Variants in TRMT1 observed in about 807,000 individuals in gnomAD.
TRMT1 encodes tRNA (guanine(26)-N(2))-dimethyltransferase.
Under a neutral mutation model 75.4 loss-of-function variants are expected in TRMT1, and 63 were observed. That is an observed-to-expected ratio of 0.84 (90% confidence interval 0.68 to 1.03). The LOEUF (loss-of-function observed/expected upper bound fraction) is 1.03. Ranked by LOEUF, TRMT1 falls within the 50% of genes least tolerant of loss-of-function variation. The pLI is 0.00. For missense variants in TRMT1, 870 were observed against 905.3 expected (o/e 0.96, Z 0.50); for synonymous variants, 382 against 358.1 (o/e 1.07, Z -0.75).
rs1251036774 is a variant in TRMT1, at chr19:13,112,939, T to C, written c.714A>G (p.Pro238=). The C allele has an allele frequency of 1.9e-6, 3 of 1,613,924 alleles. No individual in the cohort carries two copies. Among genetic ancestry groups the C allele is most frequent in the Non-Finnish European group, 1.7e-6 (2 of 1,179,894 alleles). The change falls in exon 6 of 17, where the codon CCA becomes CCG. Residue 238 remains proline (P), a synonymous_variant. Coordinates refer to ENST00000357720, the MANE Select transcript of TRMT1 (RefSeq NM_001136035.4). The part of the protein sequence containing the change: ...DVIDLDPYGS[P]ATFLDAAVQA... ...GCACAGCTGCATCCAGGAAGGTGGCTGGGCTGCCATAGGGGTCCAGATCGA... is the reference window on the plus strand; with the variant it reads ...GCACAGCTGCATCCAGGAAGGTGGCCGGGCTGCCATAGGGGTCCAGATCGA...
At position 13,105,578 on chromosome 19, in the gene TRMT1, CTT is replaced by C. The variant is rs1330414186; in HGVS notation, c.1610_1611del (p.Glu537GlyfsTer17). 1.7e-5 allele frequency: 27 copies of C among 1,613,758 alleles called. No individual in the cohort carries two copies. The highest frequency in any genetic ancestry group is 2.3e-5 in the Non-Finnish European group (27 of 1,179,980). Reference protein sequence around the residue: ...PRLQANFTIREDANPSSRQRG... With the variant: ...PRLQANFTIRXDANPSSRQRG... The stretch of plus-strand genomic sequence containing the variant: ...CGCTGTCGGGAGCTGGGGTTGGCAT[CTT>C]CCCGGATGGTGAAGTTGGCCTGCAG... On this transcript the variant is annotated frameshift_variant, in exon 15 of 17. Transcript: ENST00000357720. LOFTEE classifies it high-confidence loss of function.
rs2019357878 is a variant in TRMT1, at chr19:13,116,337, G to A, written c.63C>T (p.Ala21=). ...CTGGAGACTGCCACTCGAAAAACCG[G>A]GCTCTAGAGAGCACCCGGGCGGAGC... The part of the protein sequence containing the change: ...TFRSARVLSR[A]RFFEWQSPGL... Residue 21 remains alanine, a synonymous_variant, in exon 2 of 17, where the codon GCC becomes GCT. Transcript: ENST00000357720. 3.1e-6 allele frequency: 5 copies of A among 1,613,618 alleles called. No individual in the cohort carries two copies. In the East Asian group the frequency reaches 1.1e-4, roughly 36 times the overall value.
At chr19:13,114,037 C>T (rs1323855571) in intron 5 of TRMT1, among the ~76,000 whole-genome samples, 1 of 152,146 alleles carries the variant, frequency 6.6e-6, no homozygotes, top group Non-Finnish European at 1.5e-5. Context: ...GTCACCATGC[C>T]CAGCTAATTA....
chr19:13,115,457 G>A lies in TRMT1; in HGVS notation c.463C>T (p.His155Tyr), dbSNP rs376424264. 6.8e-6 allele frequency: 11 copies of A among 1,612,974 alleles called. No homozygotes were observed. Among genetic ancestry groups the A allele is most frequent in the African/African-American group, 1.3e-5 (1 of 75,028 alleles). Residue 155 changes from histidine to tyrosine, a missense_variant, in exon 5 of 17, where the codon CAT becomes TAT. Transcript: ENST00000357720. ...AVGEICEEGLHVLEGLAASGL... is the reference protein window; with the variant it reads ...AVGEICEEGLYVLEGLAASGL... ...GAAGCTGCCAGGCCTTCCAGCACAT[G>A]CAGGCCTTCCTGTTGGAGTAAGCAG...
intron 12 of TRMT1, 104 bp downstream of exon 12, chr19:13,109,277 G>C: frequency 4.5e-6 from 6 of 1,336,896 alleles, no homozygotes; most frequent in Non-Finnish European, 6.3e-6. Flanking sequence ...AGTGCACCGG[G>C]TTCTCCCCAC....
At chr19:13,105,644 G>A in intron 14 of TRMT1, 38 bp from the exon 15 acceptor site, 1 of 1,579,404 alleles carries the variant, frequency 6.3e-7, no homozygotes, top group Non-Finnish European at 8.6e-7. Flanking sequence ...GCTGGGGGAA[G>A]CTGCCACACG....
At position 13,116,359 on chromosome 19, in the gene TRMT1, G is replaced by C. The variant is rs1163975540; in HGVS notation, c.41C>G (p.Ser14Cys). Residue 14 changes from serine to cysteine, a missense_variant, in exon 2 of 17, where the codon TCC becomes TGC. Coordinates refer to ENST00000357720, the MANE Select transcript of TRMT1 (RefSeq NM_001136035.4). ...CCGGGCTCTAGAGAGCACCCGGGCGGAGCGGAAAGTGAGGCTTAGCCACAG... is the reference window on the plus strand; with the variant it reads ...CCGGGCTCTAGAGAGCACCCGGGCGCAGCGGAAAGTGAGGCTTAGCCACAG... ...SSLWLSLTFR[S>C]ARVLSRARFF... 2 of 1,612,238 alleles carry C rather than the reference G, an allele frequency of 1.2e-6. No individual in the cohort carries two copies.
intron 5 of TRMT1, among the ~76,000 whole-genome samples, chr19:13,113,551 G>C (rs1264198822): frequency 6.6e-6 from 1 of 152,026 alleles, no homozygotes; most frequent in Non-Finnish European, 1.5e-5. Context: ...CAACAATACT[G>C]ATATAAGACG....
rs553703899 is a variant in TRMT1 at position 13,110,694 on chromosome 19, G to A, written c.871-388C>T. 3.2e-4 allele frequency among the ~76,000 whole-genome samples: 49 copies of A among 152,338 alleles called. 1 individual carries two copies. The highest frequency in any genetic ancestry group is 1.0e-3 in the African/African-American group (43 of 41,594). ...AGAACTGCTGGGGCCTGGGCCGGGC[G>A]TGGTGGCTCATGCCTGTAATCCCAG... On this transcript the variant is annotated intron_variant, in intron 7 of 16. Transcript: ENST00000357720.
At chr19:13,105,662 C>A (rs1599921519) in intron 14 of TRMT1, 56 bp from the exon 15 acceptor site, 1 of 1,530,474 alleles carries the variant, frequency 6.5e-7, no homozygotes, top group East Asian at 2.3e-5. Context: ...ACGAGTGTGT[C>A]CCCACTCCCC....
intron 7 of TRMT1, among the ~76,000 whole-genome samples, chr19:13,111,547 C>A (rs1716486084): frequency 7.1e-6 from 1 of 139,890 alleles, no homozygotes; most frequent in Admixed American, 7.2e-5. Context: ...CCACGCCCAG[C>A]TAATTTTTTT....
chr19:13,105,495 G>T lies in TRMT1; in HGVS notation c.1695C>A (p.Ala565=). The T allele has an allele frequency of 6.2e-7, 1 of 1,614,042 alleles. No individual in the cohort carries two copies. The highest frequency in any genetic ancestry group is 1.1e-5 in the South Asian group (1 of 91,082). ...PEANWGPRPR[A]RPGGKAADEA... ...ACCTTACCACCACTCACCCTGGCCGGGCACGAGGCCGGGGACCCCAGTTGG... is the reference window on the plus strand; with the variant it reads ...ACCTTACCACCACTCACCCTGGCCGTGCACGAGGCCGGGGACCCCAGTTGG... The change falls in exon 15 of 17, where the codon GCC becomes GCA. Residue 565 remains alanine (A), a synonymous_variant. Transcript: ENST00000357720.
rs563736049 is a variant in TRMT1 at position 13,106,675 on chromosome 19, CAG to C, written c.1583+897_1583+898del. Among the ~76,000 whole-genome samples the C allele has an allele frequency of 3.9e-3, 550 of 142,494 alleles. 19 individuals are homozygous for C. The highest frequency in any genetic ancestry group is 0.036 in the Admixed American group (489 of 13,770). The allele number at this position is 142,494 out of a possible 152,430, so 93.5% of individuals were successfully genotyped here. A position where few individuals can be genotyped will look rare whatever the true frequency, so the allele number is the denominator to read the frequency against. On this transcript the variant is annotated intron_variant, in intron 14 of 16. Transcript: ENST00000357720. ...TTTTTTTTTGTATTTTTAGTAGAGACAGGGTTTCGTCATGTTGGCCAGGCTGG... is the reference window on the plus strand; with the variant it reads ...TTTTTTTTTGTATTTTTAGTAGAGACGGTTTCGTCATGTTGGCCAGGCTGG...
chr19:13,105,423 C>A (rs375494666), intron 15 of TRMT1, 27 bp from the exon 16 acceptor site: 1 of 1,613,648 alleles, frequency 6.2e-7, no homozygotes. Flanking sequence ...GTAGGTGGGA[C>A]CCCATCTGCC....
chr19:13,112,873 C>T (rs1355201350), intron 6 of TRMT1, 23 bp downstream of exon 6: 3 of 1,612,716 alleles, frequency 1.9e-6, no homozygotes, highest in Non-Finnish European at 2.5e-6. Context: ...CCTGCTCCCA[C>T]CCCAGTGCCA....
intron 14 of TRMT1, among the ~76,000 whole-genome samples, chr19:13,106,609 G>A (rs1473403611): frequency 6.6e-6 from 1 of 151,528 alleles, no homozygotes; most frequent in African/African-American, 2.4e-5. Context: ...CCGAGTAGCT[G>A]GGACTACAGG....
intron 12 of TRMT1, 91 bp from the exon 13 acceptor site, chr19:13,107,950 G>C (rs1027250244): frequency 5.4e-6 from 5 of 923,338 alleles, no homozygotes; most frequent in African/African-American, 1.6e-5. Context: ...CCTTCGGCAA[G>C]GGCTCATGGC....
chr19:13,111,277 C>T (rs867289022), intron 7 of TRMT1, among the ~76,000 whole-genome samples: 14 of 152,066 alleles, frequency 9.2e-5, no homozygotes, highest in African/African-American at 3.1e-4. Flanking sequence ...CTCAAGTGAT[C>T]CTCCCACCTT....
At position 13,115,389 on chromosome 19, in the gene TRMT1, G is replaced by A; in HGVS notation, c.531C>T (p.Leu177=). ...SIRFALEVPG[L]RSVVANDAST... is the part of the protein sequence containing the mutation. ...AGGCATCGTTTGCAACCACAGATCT[G>A]AGCCCAGGCACCTCTAGGGCAAATC... Residue 177 remains leucine, a synonymous_variant, in exon 5 of 17, where the codon CTC becomes CTT. Transcript: ENST00000357720. 6.2e-7 allele frequency: 1 copy of A among 1,614,102 alleles called. No homozygotes were observed. The highest frequency in any genetic ancestry group is 8.5e-7 in the Non-Finnish European group (1 of 1,180,036).
Sources: allele counts gnomAD v4.1 joint callset (sites outside exome capture counted in the v4.1 genomes callset), GRCh38; gene constraint gnomAD v4.1.1; transcripts MANE v1.5; gene names NCBI Gene and HGNC (gene_info 2026-07-23, HGNC 2026-07-21).